The following PLXDC2 variants were observed in gnomAD, a reference collection of about 807,000 sequenced individuals.
PLXDC2 encodes the protein plexin domain containing 2, also known as plexin domain-containing protein 2.
Under a neutral mutation model 68.9 loss-of-function variants are expected in PLXDC2, and 40 were observed. The ratio of observed to expected loss-of-function variants is 0.58; its 90% CI spans 0.45 to 0.76. The LOEUF is 0.76. Among genes scored for constraint, PLXDC2 ranks in the 30% least tolerant of loss-of-function variants. The probability of loss-of-function intolerance (pLI) is 0.00; values close to 1 mark genes in which losing one functional copy is unlikely to be tolerated. For synonymous variants in PLXDC2, 243 were observed against 234.2 expected (o/e 1.04, Z -0.34); for missense variants, 644 against 661.9 (o/e 0.97, Z 0.30).
At position 19,933,684 on chromosome 10, in the gene PLXDC2, G is replaced by GCA. The variant is rs373123226; in HGVS notation, c.113-68076_113-68075dup. On this transcript the variant is annotated intron_variant, in intron 1 of 13. Transcript: ENST00000377252. ...AAAACACACACAAACACACACGCGT[G>GCA]CACACACACACACACAAAGGTGAGG... is the stretch of plus-strand genomic sequence containing the variant. 2.5e-4 allele frequency among the ~76,000 whole-genome samples: 38 copies of GCA among 150,226 alleles called. 1 individual carries two copies. The highest frequency in any genetic ancestry group is 4.4e-4 in the African/African-American group (18 of 41,012).
intron 1 of PLXDC2, among the ~76,000 whole-genome samples, chr10:19,860,009 C>T (rs1163476693): frequency 4.6e-5 from 7 of 152,126 alleles, no homozygotes; most frequent in Non-Finnish European, 2.9e-5. Context: ...GGATTACAGA[C>T]GTGAGCCACT....
chr10:20,082,732 T>C (rs1213663824), intron 4 of PLXDC2, among the ~76,000 whole-genome samples: 1 of 152,190 alleles, frequency 6.6e-6, no homozygotes, highest in African/African-American at 2.4e-5. Context: ...TTGTGAACAA[T>C]GTGTATAAGG....
intron 9 of PLXDC2, among the ~76,000 whole-genome samples, chr10:20,205,913 C>A (rs577814455): frequency 2.6e-5 from 4 of 151,996 alleles, no homozygotes; most frequent in African/African-American, 9.6e-5. Context: ...CATATTGTAT[C>A]TTTTGTATTT....
intron 12 of PLXDC2, among the ~76,000 whole-genome samples, chr10:20,237,351 A>G (rs1352462247): frequency 6.6e-6 from 1 of 152,238 alleles, no homozygotes; most frequent in Non-Finnish European, 1.5e-5. Flanking sequence ...CATTTTAAAA[A>G]AAATAGTATC....
At chr10:19,879,486 C>A (rs773349754) in intron 1 of PLXDC2, among the ~76,000 whole-genome samples, 1 of 152,064 alleles carries the variant, frequency 6.6e-6, no homozygotes, top group African/African-American at 2.4e-5. Context: ...CAATTTTAAA[C>A]GCTCATTGTG....
At chr10:19,921,763 G>A (rs1325394478) in intron 1 of PLXDC2, among the ~76,000 whole-genome samples, 1 of 152,208 alleles carries the variant, frequency 6.6e-6, no homozygotes, top group Non-Finnish European at 1.5e-5. Flanking sequence ...TGAGGCAAGG[G>A]GCTGAAATAG....
chr10:20,189,074 G>T (rs1834724961), intron 9 of PLXDC2, among the ~76,000 whole-genome samples: 4 of 75,536 alleles, frequency 5.3e-5, no homozygotes, highest in Admixed American at 1.4e-4. Flanking sequence ...CTGAAATATA[G>T]CATAAACAAG....
intron 1 of PLXDC2, among the ~76,000 whole-genome samples, chr10:19,946,118 AT>A (rs1433499340): frequency 1.3e-5 from 2 of 152,004 alleles, no homozygotes; most frequent in Non-Finnish European, 2.9e-5. Context: ...ATAACAGAGA[AT>A]TTTCTCAAAG....
intron 1 of PLXDC2, among the ~76,000 whole-genome samples, chr10:19,822,774 GTCT>G (rs751937497): frequency 1.3e-5 from 2 of 151,852 alleles, no homozygotes; most frequent in Non-Finnish European, 2.9e-5. Context: ...CATTTTTTTT[GTCT>G]TCTTTGGAGA....
intron 9 of PLXDC2, among the ~76,000 whole-genome samples, chr10:20,190,223 C>G (rs1051579017): frequency 6.6e-6 from 1 of 151,846 alleles, no homozygotes; most frequent in African/African-American, 2.4e-5. Flanking sequence ...CAAATTCAAT[C>G]TAACAAACAT....
intron 1 of PLXDC2, among the ~76,000 whole-genome samples, chr10:19,883,424 G>T (rs554858117): frequency 2.0e-5 from 3 of 152,176 alleles, no homozygotes; most frequent in African/African-American, 7.2e-5. Flanking sequence ...AGATTATTTT[G>T]TCCAGATTTA....
At chr10:20,136,943 CAATAGGAGGTT>C (rs1298820363) in intron 4 of PLXDC2, among the ~76,000 whole-genome samples, 1 of 152,134 alleles carries the variant, frequency 6.6e-6, no homozygotes, top group Admixed American at 6.5e-5. Flanking sequence ...CACTTGCAAC[CAATAGGAGGTT>C]AACATTTTTA....
chr10:20,259,018 A>G (rs1325459977), intron 13 of PLXDC2, among the ~76,000 whole-genome samples: 2 of 151,880 alleles, frequency 1.3e-5, no homozygotes, highest in African/African-American at 2.4e-5. Flanking sequence ...AAAAAAAAAA[A>G]AAAAGAAAAG....
chr10:20,087,730 C>T (rs1418054850), intron 4 of PLXDC2, among the ~76,000 whole-genome samples: 2 of 152,006 alleles, frequency 1.3e-5, no homozygotes, highest in East Asian at 3.9e-4. Flanking sequence ...AAACCAAGGC[C>T]GATATATTTG....
At chr10:20,077,411 A>G (rs1188127793) in intron 4 of PLXDC2, among the ~76,000 whole-genome samples, 1 of 152,222 alleles carries the variant, frequency 6.6e-6, no homozygotes. Context: ...GCTCTCATTT[A>G]GAGCTATATA....
In PLXDC2 at chr10:19,990,808, C is replaced by T. The variant is rs191114642; in HGVS notation, c.113-10967C>T. Among the ~76,000 whole-genome samples, 440 of 152,228 alleles carry T rather than the reference C, an allele frequency of 2.9e-3. 1 individual carries two copies. The highest frequency in any genetic ancestry group is 0.01 in the African/African-American group (420 of 41,532). ...TAGGAAAGCAATGTCAGAATTCAGA[C>T]ATTCATAGCATTTTAGAAATTCTTG... On this transcript the variant is annotated intron_variant, in intron 1 of 13. Transcript: ENST00000377252.
In PLXDC2 at chr10:19,894,243, C is replaced by T. The variant is rs190177426; in HGVS notation, c.112+77052C>T. 5.7e-3 allele frequency among the ~76,000 whole-genome samples: 862 copies of T among 150,726 alleles called. 2 individuals are homozygous for T. Among genetic ancestry groups the T allele is most frequent in the African/African-American group, 0.019 (789 of 41,238 alleles). On this transcript the variant is annotated intron_variant, in intron 1 of 13. Transcript: ENST00000377252. ...CTTGGAAACGTAAAACAAAACAAAA[C>T]AAACAAAAACAAAAACAAAAAACTG...
chr10:20,157,112 T>C (rs1253484471), intron 6 of PLXDC2, among the ~76,000 whole-genome samples: 1 of 152,186 alleles, frequency 6.6e-6, no homozygotes, highest in African/African-American at 2.4e-5. Flanking sequence ...AAAAATTAGA[T>C]TCACTGCTGA....
Position 20,284,078 on chromosome 10 carries a change from G to A in PLXDC2, c.*4259G>A, listed in dbSNP as rs775824079. Reference sequence around the variant, plus strand: ...CCACAGATCGCTTCAAGATGCTTTCGTTTATGATAGGAAATTAATATTTAA... The same window carrying A: ...CCACAGATCGCTTCAAGATGCTTTCATTTATGATAGGAAATTAATATTTAA... On this transcript the variant is annotated 3_prime_UTR_variant, in exon 14 of 14. Transcript: ENST00000377252. The A allele has an allele frequency of 3.3e-5, 5 of 151,964 alleles. No homozygotes were observed. Among genetic ancestry groups the A allele is most frequent in the Non-Finnish European group, 5.9e-5 (4 of 68,008 alleles). 9.4% of individuals were successfully genotyped at this position (151,964 alleles called of 1,614,324 possible).
Sources: allele counts gnomAD v4.1 joint callset (sites outside exome capture counted in the v4.1 genomes callset), GRCh38; gene constraint gnomAD v4.1.1; transcripts MANE v1.5; gene names NCBI Gene and HGNC (gene_info 2026-07-23, HGNC 2026-07-21).